The following PCNT variants were observed in gnomAD, a reference collection of about 807,000 sequenced individuals.
The protein encoded by PCNT is pericentrin, also known as kendrin.
In PCNT, 319 loss-of-function variants were observed where a neutral mutation model predicts 380.4. That is an observed-to-expected ratio of 0.84 (90% CI 0.77 to 0.92). The LOEUF is 0.92. Ranked by LOEUF, PCNT falls within the 40% of genes least tolerant of loss-of-function variation. The pLI is 0.00. For synonymous variants in PCNT, 1,845 were observed against 1,735.2 expected, an observed-to-expected ratio of 1.06 and a Z score of -1.57; for missense variants, 4,400 against 4,255.3, an observed-to-expected ratio of 1.03 and a Z score of -0.95.
Position 46,388,906 on chromosome 21 carries a change from GC to G in PCNT, c.3607+25del. 1.3e-6 allele frequency: 2 copies of G among 1,578,178 alleles called. No homozygotes were observed. ...ACAGGTGAGTGTGCCGGGACCAGCT[GC>G]CCAGCCCTGTGCTTGCAGCCCCTCT... On this transcript the variant is annotated intron_variant, in intron 18 of 46. Transcript: ENST00000359568. This position sits in a 1 kb window ranked among gnomAD's most constrained non-coding sequence, Gnocchi z 4.2.
chr21:46,432,821 A>G (rs766125940), intron 38 of PCNT, among the ~76,000 whole-genome samples: 1 of 152,010 alleles, frequency 6.6e-6, no homozygotes, highest in East Asian at 1.9e-4. Flanking sequence ...AGGGTTTTCC[A>G]TGTTGGCCAG....
chr21:46,423,527 T>C, intron 32 of PCNT, among the ~76,000 whole-genome samples: 1 of 151,586 alleles, frequency 6.6e-6, no homozygotes. Flanking sequence ...AAGGAGATGT[T>C]TCTGTTAGTG....
At chr21:46,386,099 G>A (rs933744413) in intron 17 of PCNT, 116 bp downstream of exon 17, 1 of 1,214,278 alleles carries the variant, frequency 8.2e-7, no homozygotes, top group Middle Eastern at 2.7e-4. Flanking sequence ...CATGCACGCT[G>A]GCTCCTGGTG....
intron 39 of PCNT, 41 bp downstream of exon 39, chr21:46,436,189 G>T: frequency 6.3e-7 from 1 of 1,599,224 alleles, no homozygotes; most frequent in Non-Finnish European, 8.5e-7. Flanking sequence ...GTCCCTTGCA[G>T]CCACCCCTCT....
In PCNT at chr21:46,413,278, C is replaced by T. The variant is rs536914401; in HGVS notation, c.6150+286C>T. On this transcript the variant is annotated intron_variant, in intron 29 of 46. Transcript: ENST00000359568. ...TGAGGCCCCCCTGGGAGAGGCTGGA[C>T]ACGCGGCAGCAAGGTGTGGGGAACG... is the stretch of plus-strand genomic sequence containing the variant. 1.5e-3 allele frequency among the ~76,000 whole-genome samples: 132 copies of T among 87,200 alleles called. 7 individuals carry two copies. Among genetic ancestry groups the T allele is most frequent in the Non-Finnish European group, 2.2e-3 (104 of 46,920 alleles). 57.2% of individuals were successfully genotyped at this position (87,200 alleles called of 152,430 possible).
intron 2 of PCNT, among the ~76,000 whole-genome samples, chr21:46,332,792 A>G (rs1478659255): frequency 2.0e-5 from 3 of 152,198 alleles, no homozygotes; most frequent in African/African-American, 7.2e-5. Context: ...AGAAATTGAA[A>G]TGTTCTTAGT....
rs571319774 is a variant in PCNT at position 46,349,533 on chromosome 21, A to G, written c.1208-151A>G. On this transcript the variant is annotated intron_variant, in intron 7 of 46. Coordinates refer to ENST00000359568, the MANE Select transcript of PCNT (RefSeq NM_006031.6). ...TGGGTAGGCGATGTCCCCTGGTGCT[A>G]TCAGGCATGTGAGGCTCAAACGAGG... 4.1e-4 allele frequency: 336 copies of G among 810,674 alleles called. 6 individuals carry two copies. Among genetic ancestry groups the G allele is most frequent in the South Asian group, 3.3e-3 (241 of 73,980 alleles). The allele number at this position is 810,674 out of a possible 1,614,324, so 50.2% of individuals were successfully genotyped here. A position where few individuals can be genotyped will look rare whatever the true frequency, so the allele number is the denominator to read the frequency against.
At chr21:46,345,351 G>A (rs2084031872) in intron 3 of PCNT, among the ~76,000 whole-genome samples, 1 of 152,080 alleles carries the variant, frequency 6.6e-6, no homozygotes, top group Non-Finnish European at 1.5e-5. Context: ...CCAAGTAGCT[G>A]GGACTACAGG....
chr21:46,429,468 G>A (rs1481771562), intron 35 of PCNT, among the ~76,000 whole-genome samples: 3 of 143,218 alleles, frequency 2.1e-5, no homozygotes, highest in African/African-American at 7.7e-5. Context: ...GGCACTGTGC[G>A]ATCGCTCGTG....
chr21:46,375,807 C>A (rs1014821402), intron 15 of PCNT, among the ~76,000 whole-genome samples: 9 of 152,262 alleles, frequency 5.9e-5, no homozygotes, highest in African/African-American at 2.2e-4. Flanking sequence ...TTGGCCTCCA[C>A]CACCTCCTAC....
chr21:46,422,390 C>T (rs752178110), intron 32 of PCNT, among the ~76,000 whole-genome samples: 41 of 152,230 alleles, frequency 2.7e-4, no homozygotes, highest in Non-Finnish European at 4.6e-4. Flanking sequence ...TGGTGTTGCC[C>T]CGAGTCGCAG....
Position 46,363,640 on chromosome 21 carries a change from T to G in PCNT, c.2315T>G (p.Leu772Arg). ...GAGGAGAAGTTAACATTGATGCTAC[T>G]TGAACTGAGAGAAAAGGCTGAATCC... is the stretch of plus-strand genomic sequence containing the variant. Reference protein sequence around the residue: ...EAEEKLTLMLLELREKAESEK... With the variant: ...EAEEKLTLMLRELREKAESEK... Residue 772 changes from leucine (L) to arginine (R), a missense_variant, in exon 14 of 47, where the codon CTT becomes CGT. Leu to Arg is a moderately radical substitution (Grantham distance 102). Coordinates refer to ENST00000359568, the MANE Select transcript of PCNT (RefSeq NM_006031.6). 2.5e-6 allele frequency: 4 copies of G among 1,614,186 alleles called. No individual in the cohort carries two copies. Among genetic ancestry groups the G allele is most frequent in the Non-Finnish European group, 2.5e-6 (3 of 1,180,034 alleles).
At chr21:46,328,221 T>C (rs1319789238) in intron 2 of PCNT, among the ~76,000 whole-genome samples, 3 of 151,752 alleles carry the variant, frequency 2.0e-5, no homozygotes, top group Non-Finnish European at 2.9e-5. Flanking sequence ...TTGCTTTTTA[T>C]CTCTTGAGTG....
At chr21:46,430,841 C>T in intron 37 of PCNT, 184 bp downstream of exon 37, 2 of 985,482 alleles carry the variant, frequency 2.0e-6, no homozygotes, top group South Asian at 9.4e-5. Flanking sequence ...GTGGCAGCCA[C>T]CACAGGGCGA....
chr21:46,390,909 CT>C (rs1222602151), intron 20 of PCNT, 77 bp downstream of exon 20: 13 of 1,489,228 alleles, frequency 8.7e-6, no homozygotes, highest in East Asian at 2.4e-5. Context: ...GGAAGGAAGC[CT>C]TCAGAATAGG....
In PCNT at chr21:46,420,008, C is replaced by T. The variant is rs534742859; in HGVS notation, c.7024+1702C>T. ...ACTTCCTCGTCTCCCTGGTGGTTGT[C>T]GGTTGGTTGGCTGGGTGCAGACACT... On this transcript the variant is annotated intron_variant, in intron 31 of 46. Transcript: ENST00000359568. 4.6e-5 allele frequency among the ~76,000 whole-genome samples: 7 copies of T among 152,308 alleles called. No homozygotes were observed. In the South Asian group the frequency reaches 1.0e-3, roughly 23 times the overall value.
At chr21:46,403,114 A>G (rs2086484595) in intron 27 of PCNT, among the ~76,000 whole-genome samples, 1 of 151,698 alleles carries the variant, frequency 6.6e-6, no homozygotes, top group Admixed American at 6.6e-5. Flanking sequence ...GTGCCCACAC[A>G]ACACGTGCTC....
At chr21:46,353,475 C>G (rs1435050893) in intron 10 of PCNT, 149 bp downstream of exon 10, 2 of 765,242 alleles carry the variant, frequency 2.6e-6, no homozygotes, top group Non-Finnish European at 4.5e-6. Context: ...TAAAAGATGA[C>G]ACAGGCACGG....
In PCNT at chr21:46,361,596, G is replaced by A. The variant is rs150513457; in HGVS notation, c.2155-1884G>A. ...CCTGCAGTGTCAGGAGATTTGCTTTGGAAAACATGTGTTTGAAAGAAATTA... is the reference window on the plus strand; with the variant it reads ...CCTGCAGTGTCAGGAGATTTGCTTTAGAAAACATGTGTTTGAAAGAAATTA... On this transcript the variant is annotated intron_variant, in intron 13 of 46. Transcript: ENST00000359568. Among the ~76,000 whole-genome samples the A allele has an allele frequency of 7.9e-3, 1,201 of 152,176 alleles. 20 individuals carry two copies. The highest frequency in any genetic ancestry group is 0.056 in the Admixed American group (853 of 15,294).
Sources: gnomAD v4.1 joint callset for allele counts (sites outside exome capture counted in the v4.1 genomes callset) on GRCh38, gnomAD v4.1.1 for gene constraint, Gnocchi (gnomAD v3.1) non-coding constraint, MANE v1.5 for transcripts, NCBI Gene and HGNC (gene_info 2026-07-23, HGNC 2026-07-21) for gene names.